Variants in WDR5 observed in about 807,000 individuals in gnomAD.
WDR5 encodes WD repeat-containing protein 5.
For missense variants in WDR5, 187 were observed against 416.9 expected (o/e 0.45, Z 4.80); for synonymous variants, 144 against 161.6 (o/e 0.89, Z 0.83).
chr9:134,148,148 C>G, intron 7 of WDR5, 140 bp from the exon 8 acceptor site: 2 of 666,192 alleles, frequency 3.0e-6, no homozygotes, highest in Non-Finnish European at 4.7e-6. Context: ...GAGCGAGACT[C>G]TTTCTGAAAA....
rs190487971 is a variant in WDR5, at chr9:134,140,721, A to G, written c.100A>G (p.Asn34Asp). The G allele has an allele frequency of 1.2e-6, 2 of 1,614,152 alleles. No individual in the cohort carries two copies. The highest frequency in any genetic ancestry group is 2.7e-5 in the African/African-American group (2 of 75,026). The change falls in exon 3 of 14, where the codon AAC becomes GAC. Residue 34 changes from asparagine to aspartate, a missense_variant. Asn to Asp is a conservative substitution (Grantham distance 23). Transcript: ENST00000358625. The part of the protein sequence containing the change: ...TQSKPTPVKP[N>D]YALKFTLAGH... ...CCTGCAGCCTACACCTGTGAAGCCAAACTATGCTCTAAAGTTCACCCTTGC... is the reference window on the plus strand; with the variant it reads ...CCTGCAGCCTACACCTGTGAAGCCAGACTATGCTCTAAAGTTCACCCTTGC...
Position 134,154,537 on chromosome 9 carries a change from G to A in WDR5, c.703G>A (p.Asp235Asn). The A allele has an allele frequency of 1.2e-6, 2 of 1,614,142 alleles. No individual in the cohort carries two copies. Among genetic ancestry groups the A allele is most frequent in the Non-Finnish European group, 1.7e-6 (2 of 1,180,014 alleles). The change falls in exon 10 of 14, where the codon GAC (aspartate) becomes AAC (asparagine). Residue 235 changes from aspartate to asparagine, a missense_variant. Transcript: ENST00000358625. ...CAAATACATCCTGGCCGCCACGCTG[G>A]ACAAGTGAGTACTGCGTGGGACTGT... ...NGKYILAATLDNTLKLWDYSK... is the reference protein window; with the variant it reads ...NGKYILAATLNNTLKLWDYSK...
chr9:134,141,447 G>T, intron 3 of WDR5, 63 bp from the exon 4 acceptor site: 1 of 1,549,204 alleles, frequency 6.5e-7, no homozygotes, highest in Middle Eastern at 1.7e-4. Context: ...TCAGACTTTG[G>T]ACTCTGGATG....
At chr9:134,147,966 C>A (rs1832290070) in intron 7 of WDR5, among the ~76,000 whole-genome samples, 1 of 151,898 alleles carries the variant, frequency 6.6e-6, no homozygotes, top group Non-Finnish European at 1.5e-5. Flanking sequence ...ACCAGGCTGG[C>A]CAATATGGTG....
chr9:134,145,937 CT>C (rs35158770), intron 7 of WDR5, among the ~76,000 whole-genome samples: 81,851 of 139,324 alleles, frequency 0.59, 23,816 homozygotes, highest in Admixed American at 0.65. Flanking sequence ...TTCTTTCTTT[CT>C]TTTTTTTTTT....
chr9:134,147,980 C>T (rs1186647631), intron 7 of WDR5, among the ~76,000 whole-genome samples: 1 of 151,962 alleles, frequency 6.6e-6, no homozygotes, highest in Non-Finnish European at 1.5e-5. Context: ...TATGGTGAAA[C>T]CCCGTCTCTC....
intron 9 of WDR5, among the ~76,000 whole-genome samples, chr9:134,152,354 C>T (rs1017672505): frequency 3.3e-5 from 5 of 152,218 alleles, no homozygotes; most frequent in Admixed American, 6.5e-5. Flanking sequence ...CCCCTGCTGT[C>T]GTGCCAGCCT....
At chr9:134,155,052 A>C (rs1028859146) in intron 10 of WDR5, among the ~76,000 whole-genome samples, 20 of 152,126 alleles carry the variant, frequency 1.3e-4, no homozygotes, top group African/African-American at 4.8e-4. Context: ...GGACTTCCTC[A>C]CCCTTTTGAG....
intron 7 of WDR5, among the ~76,000 whole-genome samples, chr9:134,146,027 T>C (rs1188530162): frequency 1.3e-5 from 2 of 151,580 alleles, no homozygotes; most frequent in Admixed American, 1.3e-4. Context: ...TGCAGTGGTG[T>C]GATCTCAGCT....
At chr9:134,137,768 C>A (rs1200887949) in intron 1 of WDR5, among the ~76,000 whole-genome samples, 2 of 152,022 alleles carry the variant, frequency 1.3e-5, no homozygotes, top group African/African-American at 2.4e-5. Flanking sequence ...TTCCCCGCCA[C>A]CCCCCGACGG....
In WDR5 at chr9:134,139,855, C is replaced by T. The variant is rs1040828420; in HGVS notation, c.-23C>T. On this transcript the variant is annotated 5_prime_UTR_variant, in exon 2 of 14. Transcript: ENST00000358625. ...TCACCGGGTCCCTCCACCCTTGTCT[C>T]CTGTGCGGCCAGCGTCAGAGCCATG... is the stretch of plus-strand genomic sequence containing the variant. 6.2e-7 allele frequency: 1 copy of T among 1,613,444 alleles called. No homozygotes were observed. The highest frequency in any genetic ancestry group is 8.5e-7 in the Non-Finnish European group (1 of 1,179,914).
intron 3 of WDR5, among the ~76,000 whole-genome samples, 198 bp downstream of exon 3, chr9:134,141,009 C>T (rs1396234821): frequency 2.6e-5 from 4 of 152,046 alleles, no homozygotes; most frequent in African/African-American, 9.7e-5. Flanking sequence ...GGGGGCCAGG[C>T]GTGGTGGCTC....
chr9:134,154,288 G>A lies in WDR5; in HGVS notation c.632-178G>A, dbSNP rs549161741. 3.3e-5 allele frequency among the ~76,000 whole-genome samples: 5 copies of A among 152,250 alleles called. No individual in the cohort carries two copies. In the South Asian group the frequency reaches 6.2e-4, roughly 19 times the overall value. On this transcript the variant is annotated intron_variant, in intron 9 of 13. Transcript: ENST00000358625. The stretch of plus-strand genomic sequence containing the variant: ...CTTGAGGTGTCAAGAACCTGCTCAC[G>A]GCTGGTGTGCGTGGCTAGGCCACCC...
At chr9:134,137,815 G>A (rs1831656320) in intron 1 of WDR5, among the ~76,000 whole-genome samples, 2 of 152,094 alleles carry the variant, frequency 1.3e-5, no homozygotes, top group Non-Finnish European at 2.9e-5. Context: ...GTGCAGTGGC[G>A]CAATCTTGGT....
intron 8 of WDR5, among the ~76,000 whole-genome samples, chr9:134,151,120 A>C (rs1832465265): frequency 6.6e-6 from 1 of 152,116 alleles, no homozygotes; most frequent in African/African-American, 2.4e-5. Flanking sequence ...AGCAGGATGG[A>C]GCTGTTGCTG....
intron 3 of WDR5, among the ~76,000 whole-genome samples, 185 bp from the exon 4 acceptor site, chr9:134,141,324 TG>T (rs1369054337): frequency 6.6e-6 from 1 of 151,924 alleles, no homozygotes; most frequent in Non-Finnish European, 1.5e-5. Context: ...AAATTGCCCG[TG>T]GACCCTGGGA....
intron 11 of WDR5, 42 bp downstream of exon 11, chr9:134,155,415 T>G: frequency 6.4e-7 from 1 of 1,574,286 alleles, no homozygotes; most frequent in Non-Finnish European, 8.6e-7. Flanking sequence ...GCACCATCCC[T>G]GGGTCATGGC....
intron 7 of WDR5, among the ~76,000 whole-genome samples, chr9:134,146,732 C>G (rs576863131): frequency 6.4e-4 from 98 of 152,286 alleles, no homozygotes; most frequent in African/African-American, 2.1e-3. Flanking sequence ...GTTTTGGGGA[C>G]TTGTTTTGTC....
intron 11 of WDR5, 117 bp downstream of exon 11, chr9:134,155,490 C>G (rs78468899): frequency 6.3e-6 from 9 of 1,421,952 alleles, no homozygotes; most frequent in Non-Finnish European, 8.6e-6. Context: ...GCCATCTCCG[C>G]TGGGTTTGGT....
Sources: gnomAD v4.1 joint callset for allele counts (sites outside exome capture counted in the v4.1 genomes callset) on GRCh38, gnomAD v4.1.1 for gene constraint, MANE v1.5 for transcripts, NCBI Gene and HGNC (gene_info 2026-07-23, HGNC 2026-07-21) for gene names.